GBE1: variants seen among roughly 807,000 people sequenced by gnomAD.
GBE1 encodes 1,4-alpha-glucan-branching enzyme.
GBE1 carries 70 observed loss-of-function variants against 88.8 expected under a neutral mutation model. The ratio of observed to expected loss-of-function variants is 0.79; its 90% CI spans 0.65 to 0.96. GBE1 has a LOEUF of 0.96. Ranked by LOEUF, GBE1 falls within the 40% of genes least tolerant of loss-of-function variation. GBE1 has a pLI of 0.00. For synonymous variants in GBE1, 284 were observed against 300.1 expected, an observed-to-expected ratio of 0.95 and a Z score of 0.56; for missense variants, 872 against 871.0, an observed-to-expected ratio of 1.00 and a Z score of -0.01.
intron 7 of GBE1, among the ~76,000 whole-genome samples, chr3:81,616,799 T>A (rs1704253793): frequency 6.6e-6 from 1 of 152,138 alleles, no homozygotes; most frequent in Non-Finnish European, 1.5e-5. Flanking sequence ...ACATCTTTAC[T>A]ACTTTGAGTT....
intron 14 of GBE1, among the ~76,000 whole-genome samples, chr3:81,515,120 G>A (rs766484966): frequency 6.6e-6 from 1 of 151,358 alleles, no homozygotes; most frequent in African/African-American, 2.4e-5. Context: ...TCATTTTATC[G>A]CACTTTATTG....
At chr3:81,587,047 C>A (rs1346013479) in intron 9 of GBE1, among the ~76,000 whole-genome samples, 1 of 152,030 alleles carries the variant, frequency 6.6e-6, no homozygotes, top group African/African-American at 2.4e-5. Context: ...GTCCGAACTC[C>A]CATCTCGGCC....
chr3:81,544,741 C>T (rs1368977346), intron 12 of GBE1, among the ~76,000 whole-genome samples: 1 of 152,150 alleles, frequency 6.6e-6, no homozygotes, highest in Non-Finnish European at 1.5e-5. Context: ...CCAATTGGGA[C>T]TCCTTCTCCT....
Position 81,625,426 on chromosome 3 carries a change from T to TA in GBE1, c.992+17354dup, listed in dbSNP as rs1307119153. Among the ~76,000 whole-genome samples the TA allele has an allele frequency of 7.2e-5, 11 of 151,924 alleles. No homozygotes were observed. The East Asian group carries it at 2.1e-3, about 29-fold the overall frequency. On this transcript the variant is annotated intron_variant, in intron 7 of 15. Transcript: ENST00000429644. The stretch of plus-strand genomic sequence containing the variant: ...CTTTCCTAAAACTGATAAGTACCAA[T>TA]AAAAAATAAAATCCTGGACTGTTTT...
intron 12 of GBE1, among the ~76,000 whole-genome samples, chr3:81,553,397 G>T (rs946889593): frequency 3.3e-5 from 5 of 151,826 alleles, no homozygotes; most frequent in African/African-American, 9.7e-5. Context: ...TATGTGTGTG[G>T]TTATATTGTT....
At chr3:81,639,938 T>C (rs115782704) in intron 7 of GBE1, among the ~76,000 whole-genome samples, 2,895 of 152,282 alleles carry the variant, frequency 0.019, 45 homozygotes, top group Non-Finnish European at 0.029. Context: ...CACTGAGGTA[T>C]ACCCAAATTG....
chr3:81,601,286 A>C (rs1388787637), intron 7 of GBE1, among the ~76,000 whole-genome samples: 1 of 152,170 alleles, frequency 6.6e-6, no homozygotes, highest in Non-Finnish European at 1.5e-5. Flanking sequence ...AAAAGTTAAA[A>C]AACCATGTCC....
At chr3:81,658,043 T>G (rs1039573989) in intron 3 of GBE1, among the ~76,000 whole-genome samples, 2 of 152,124 alleles carry the variant, frequency 1.3e-5, no homozygotes, top group African/African-American at 4.8e-5. Flanking sequence ...AGCAATAACC[T>G]ATAGATCAAA....
rs72208832 is a variant in GBE1 at position 81,750,603 on chromosome 3, GTATA to G, written c.143+10768_143+10771del. On this transcript the variant is annotated intron_variant, in intron 1 of 15. Coordinates refer to ENST00000429644, the MANE Select transcript of GBE1 (RefSeq NM_000158.4). ...TATATATATACGTATATATATATGT[GTATA>G]TATATATATGTATATATATATACGT... is the stretch of plus-strand genomic sequence containing the variant. Among the ~76,000 whole-genome samples, 50 of 38,270 alleles carry G rather than the reference GTATA, an allele frequency of 1.3e-3. 5 individuals are homozygous for G. Among genetic ancestry groups the G allele is most frequent in the East Asian group, 3.5e-3 (1 of 286 alleles). 25.1% of individuals were successfully genotyped at this position (38,270 alleles called of 152,430 possible).
chr3:81,593,309 G>A (rs1423603530), intron 8 of GBE1, among the ~76,000 whole-genome samples: 1 of 151,026 alleles, frequency 6.6e-6, no homozygotes, highest in African/African-American at 2.4e-5. Context: ...AGTTTGCAGT[G>A]ATCTGAGTTC....
chr3:81,628,153 T>A (rs938867319), intron 7 of GBE1, among the ~76,000 whole-genome samples: 6 of 152,074 alleles, frequency 3.9e-5, no homozygotes, highest in Non-Finnish European at 7.4e-5. Context: ...GGCGGCCCCC[T>A]TATATGTGTC....
chr3:81,611,021 C>G (rs1704175168), intron 7 of GBE1, among the ~76,000 whole-genome samples: 1 of 151,020 alleles, frequency 6.6e-6, no homozygotes, highest in Non-Finnish European at 1.5e-5. Context: ...AAAAAGTAAT[C>G]TTTATAGTAC....
At chr3:81,756,005 A>G (rs1706596943) in intron 1 of GBE1, among the ~76,000 whole-genome samples, 1 of 152,136 alleles carries the variant, frequency 6.6e-6, no homozygotes, top group Non-Finnish European at 1.5e-5. Flanking sequence ...ATTTTAATAG[A>G]TACCAATGTG....
At chr3:81,587,563 A>C (rs1703818370) in intron 9 of GBE1, among the ~76,000 whole-genome samples, 1 of 152,108 alleles carries the variant, frequency 6.6e-6, no homozygotes, top group Non-Finnish European at 1.5e-5. Flanking sequence ...CGATTCAACA[A>C]TTACACATTA....
chr3:81,693,399 T>G (rs1230654500), intron 2 of GBE1, among the ~76,000 whole-genome samples: 3 of 152,190 alleles, frequency 2.0e-5, no homozygotes, highest in African/African-American at 7.2e-5. Flanking sequence ...AAATTGTATC[T>G]ATTTTTATAC....
intron 12 of GBE1, among the ~76,000 whole-genome samples, chr3:81,571,482 T>C (rs1330183949): frequency 6.6e-6 from 1 of 152,218 alleles, no homozygotes; most frequent in South Asian, 2.1e-4. Flanking sequence ...TTAAGTCTGC[T>C]AGTTCAGTAT....
At chr3:81,574,352 T>C (rs187379970) in intron 12 of GBE1, among the ~76,000 whole-genome samples, 24 of 152,270 alleles carry the variant, frequency 1.6e-4, no homozygotes, top group African/African-American at 5.8e-4. Flanking sequence ...GCAAATACTT[T>C]GTGTTTTATA....
chr3:81,669,396 C>T (rs186095884), intron 3 of GBE1, among the ~76,000 whole-genome samples: 1 of 152,042 alleles, frequency 6.6e-6, no homozygotes, highest in African/African-American at 2.4e-5. Flanking sequence ...GAACCTAAAA[C>T]AAAGGTTAAA....
Position 81,535,275 on chromosome 3 carries a change from T to C in GBE1, c.1854A>G (p.Arg618=). The stretch of plus-strand genomic sequence containing the variant: ...AGTTGAAAATGAAAAGAAGACCTGC[T>C]CTTTCAAAAGCAATGATCTTATTGC... ...HEGNKIIAFE[R]AGLLFIFNFH... Residue 618 remains arginine (R), a synonymous_variant, in exon 14 of 16, where the codon AGA becomes AGG. Transcript: ENST00000429644. The C allele has an allele frequency of 6.2e-7, 1 of 1,611,520 alleles. No individual in the cohort carries two copies. The highest frequency in any genetic ancestry group is 8.5e-7 in the Non-Finnish European group (1 of 1,178,630).
Sources: allele counts gnomAD v4.1 joint callset (sites outside exome capture counted in the v4.1 genomes callset), GRCh38; gene constraint gnomAD v4.1.1; transcripts MANE v1.5; gene names NCBI Gene and HGNC (gene_info 2026-07-23, HGNC 2026-07-21).